Variants in PDCL3 observed in about 807,000 individuals in gnomAD.
PDCL3 encodes the protein phosducin-like protein 3.
A neutral mutation model predicts 26.5 loss-of-function variants in PDCL3; 22 were observed. That is an observed-to-expected ratio of 0.83 (90% CI 0.59 to 1.19). The LOEUF is 1.19. PDCL3 is among the 50% of genes most tolerant of loss of function. PDCL3 has a pLI of 0.00. For synonymous variants in PDCL3, 81 were observed against 104.9 expected (o/e 0.77, Z 1.39); for missense variants, 246 against 294.1 (o/e 0.84, Z 1.20).
intron 1 of PDCL3, among the ~76,000 whole-genome samples, chr2:100,565,741 ATCTC>A (rs1212875024): frequency 6.6e-6 from 1 of 152,014 alleles, no homozygotes; most frequent in Non-Finnish European, 1.5e-5. Flanking sequence ...CCACAATTTT[ATCTC>A]TCTATGTATA....
Position 100,571,577 on chromosome 2 carries a change from G to A in PDCL3, c.369-13G>A, listed in dbSNP as rs184618409. On this transcript the variant is annotated splice_polypyrimidine_tract_variant and intron_variant, in intron 4 of 5. Transcript: ENST00000264254. ...GATCATAATTGCTTCTGTTTTCTAT[G>A]TGTGTTTTATAGAATTCCCCTCTGT... 3.2e-5 allele frequency: 52 copies of A among 1,610,622 alleles called. No individual in the cohort carries two copies. The highest frequency in any genetic ancestry group is 1.0e-5 in the Non-Finnish European group (12 of 1,178,682).
intron 1 of PDCL3, among the ~76,000 whole-genome samples, chr2:100,566,278 T>C (rs1419791003): frequency 6.6e-6 from 1 of 152,144 alleles, no homozygotes; most frequent in Non-Finnish European, 1.5e-5. Context: ...TGATCTGCAC[T>C]CCCTATCCTA....
In PDCL3 at chr2:100,573,628, A is replaced by G. The variant is rs983554472; in HGVS notation, c.577+1830A>G. On this transcript the variant is annotated intron_variant, in intron 5 of 5. Transcript: ENST00000264254. Reference sequence around the variant, plus strand: ...GCAGAGGTTGCAGTGAGCCAAGATCATGCCATTGCACTCCAGCCTGGGTAA... The same window carrying G: ...GCAGAGGTTGCAGTGAGCCAAGATCGTGCCATTGCACTCCAGCCTGGGTAA... Among the ~76,000 whole-genome samples the G allele has an allele frequency of 2.7e-5, 4 of 150,928 alleles. No homozygotes were observed. In the East Asian group the frequency reaches 7.8e-4, roughly 29 times the overall value.
chr2:100,564,336 G>A (rs548167779), intron 1 of PDCL3, among the ~76,000 whole-genome samples: 1 of 151,542 alleles, frequency 6.6e-6, no homozygotes, highest in South Asian at 2.1e-4. Context: ...TTGCTCTGTC[G>A]CCCAGGCTGG....
chr2:100,576,287 G>A lies in PDCL3; in HGVS notation c.578-67G>A, dbSNP rs376160376. 48 of 1,521,902 alleles carry A rather than the reference G, an allele frequency of 3.2e-5. No homozygotes were observed. The African/African-American group carries it at 6.4e-4, about 20-fold the overall frequency. The allele number at this position is 1,521,902 out of a possible 1,614,324, so 94.3% of individuals were successfully genotyped here. A position where few individuals can be genotyped will look rare whatever the true frequency, so the allele number is the denominator to read the frequency against. ...TCTACTTAGAAAAAACTAGGTTGAT[G>A]GACTTAGGGCGAGGGAACCTTTGCA... On this transcript the variant is annotated intron_variant, in intron 5 of 5. Coordinates refer to ENST00000264254, the MANE Select transcript of PDCL3 (RefSeq NM_024065.5).
intron 2 of PDCL3, among the ~76,000 whole-genome samples, chr2:100,567,437 G>A (rs549911563): frequency 1.3e-5 from 2 of 152,226 alleles, no homozygotes; most frequent in East Asian, 1.9e-4. Context: ...AGAAAATAAG[G>A]CAGTAAAAGG....
intron 1 of PDCL3, 51 bp from the exon 2 acceptor site, chr2:100,566,452 C>T: frequency 6.3e-7 from 1 of 1,591,940 alleles, no homozygotes; most frequent in Non-Finnish European, 8.6e-7. Context: ...CAACGTGGCA[C>T]CCTACATACT....
At chr2:100,573,038 C>G (rs1486415777) in intron 5 of PDCL3, among the ~76,000 whole-genome samples, 1 of 151,604 alleles carries the variant, frequency 6.6e-6, no homozygotes, top group African/African-American at 2.4e-5. Flanking sequence ...GCGCCCACCA[C>G]CACGCTTGGC....
intron 5 of PDCL3, among the ~76,000 whole-genome samples, chr2:100,575,541 C>A (rs1675270899): frequency 6.6e-6 from 1 of 152,206 alleles, no homozygotes; most frequent in African/African-American, 2.4e-5. Flanking sequence ...TCCTTTGGTT[C>A]TGCCTGGGCT....
At chr2:100,574,966 T>G (rs551883693) in intron 5 of PDCL3, among the ~76,000 whole-genome samples, 4 of 152,080 alleles carry the variant, frequency 2.6e-5, no homozygotes. Context: ...GGTGTGGTGG[T>G]GCACACCTGT....
chr2:100,566,655 C>T, intron 2 of PDCL3, 26 bp downstream of exon 2: 1 of 1,612,728 alleles, frequency 6.2e-7, no homozygotes, highest in Non-Finnish European at 8.5e-7. Context: ...TTCCTCTGCA[C>T]CTGTCTGGGT....
chr2:100,574,216 G>C (rs1675236624), intron 5 of PDCL3, among the ~76,000 whole-genome samples: 1 of 152,054 alleles, frequency 6.6e-6, no homozygotes, highest in Non-Finnish European at 1.5e-5. Context: ...TGCCTAGGCT[G>C]GTTGTGAACT....
In PDCL3 at chr2:100,569,558, T is replaced by C; in HGVS notation, c.225-20T>C. ...ACACGTGTTTGTGACGTAAGATGTT[T>C]CTCTCCTTGTTTTGTGCAGACGGCG... On this transcript the variant is annotated intron_variant, in intron 3 of 5. Transcript: ENST00000264254. The C allele has an allele frequency of 2.2e-5, 35 of 1,610,568 alleles. No individual in the cohort carries two copies. Among genetic ancestry groups the C allele is most frequent in the Non-Finnish European group, 2.9e-5 (34 of 1,178,742 alleles).
chr2:100,565,016 T>A (rs927823239), intron 1 of PDCL3, among the ~76,000 whole-genome samples: 10 of 152,226 alleles, frequency 6.6e-5, no homozygotes, highest in Non-Finnish European at 1.0e-4. Flanking sequence ...CAGCCAAGCC[T>A]CATCTGCAGC....
intron 5 of PDCL3, among the ~76,000 whole-genome samples, chr2:100,572,799 G>A (rs1287422505): frequency 2.0e-5 from 3 of 152,164 alleles, no homozygotes; most frequent in South Asian, 2.1e-4. Context: ...GATTACAGGC[G>A]TGAGCCACTG....
chr2:100,569,077 G>GT (rs573688866), intron 3 of PDCL3, 56 bp downstream of exon 3: 56,599 of 1,181,204 alleles, frequency 0.048, 18 homozygotes, highest in South Asian at 0.062. Flanking sequence ...TTTTGTTTTG[G>GT]TTTTTTTTTT....
At position 100,569,717 on chromosome 2, in the gene PDCL3, C is replaced by T. The variant is rs201629421; in HGVS notation, c.364C>T (p.Gln122Ter). 5 of 1,608,594 alleles carry T rather than the reference C, an allele frequency of 3.1e-6. No homozygotes were observed. The highest frequency in any genetic ancestry group is 4.2e-6 in the Non-Finnish European group (5 of 1,177,664). ...GLWVILHLYK[Q>*]GIPLCALINQ... ...GTGGGTCATCTTGCACCTTTACAAACAAGGGTGAGCTGATCTTCCACTCCA... is the reference window on the plus strand; with the variant it reads ...GTGGGTCATCTTGCACCTTTACAAATAAGGGTGAGCTGATCTTCCACTCCA... The change falls in exon 4 of 6, where the codon CAA becomes TAA. Residue 122 changes from glutamine to a stop codon, truncating the protein, a stop_gained. Coordinates refer to ENST00000264254, the MANE Select transcript of PDCL3 (RefSeq NM_024065.5). LOFTEE classifies it high-confidence loss of function.
chr2:100,564,067 C>T (rs974700071), intron 1 of PDCL3, among the ~76,000 whole-genome samples: 2 of 151,046 alleles, frequency 1.3e-5, no homozygotes, highest in African/African-American at 4.9e-5. Flanking sequence ...GTGCACCCAC[C>T]ACTCTGGGCT....
chr2:100,566,415 G>A, intron 1 of PDCL3, 88 bp from the exon 2 acceptor site: 2 of 1,478,644 alleles, frequency 1.4e-6, no homozygotes, highest in Non-Finnish European at 1.8e-6. Flanking sequence ...CTCCCTTCCT[G>A]TCACTTTTCC....
Sources: gnomAD v4.1 joint callset for allele counts (sites outside exome capture counted in the v4.1 genomes callset) on GRCh38, gnomAD v4.1.1 for gene constraint, MANE v1.5 for transcripts, NCBI Gene and HGNC (gene_info 2026-07-23, HGNC 2026-07-21) for gene names.